TMEFF2: variants seen among roughly 807,000 people sequenced by gnomAD.
TMEFF2 encodes the protein tomoregulin-2.
TMEFF2 carries 28 observed loss-of-function variants against 53.8 expected under a neutral mutation model. That is an observed-to-expected ratio of 0.52 (90% CI 0.39 to 0.71). The LOEUF (loss-of-function observed/expected upper bound fraction) is 0.71, where lower values mean the gene tolerates loss of function less well. Among genes scored for constraint, TMEFF2 ranks in the 30% least tolerant of loss-of-function variants. The probability of loss-of-function intolerance (pLI) is 0.00; values close to 1 mark genes in which losing one functional copy is unlikely to be tolerated. For missense variants in TMEFF2, 353 were observed against 455.2 expected (o/e 0.78, Z 2.04); for synonymous variants, 162 against 166.3 (o/e 0.97, Z 0.20).
chr2:192,145,161 A>G (rs1690220056), intron 4 of TMEFF2, among the ~76,000 whole-genome samples: 1 of 151,968 alleles, frequency 6.6e-6, no homozygotes. Flanking sequence ...TACATTATTA[A>G]TTACTTATTA....
In TMEFF2 at chr2:192,022,187, G is replaced by A. The variant is rs182837890; in HGVS notation, c.537-22979C>T. On this transcript the variant is annotated intron_variant, in intron 5 of 9. Coordinates refer to ENST00000272771, the MANE Select transcript of TMEFF2 (RefSeq NM_016192.4). ...GTGTGGGGCAGCAGGGAGGCCTGCA[G>A]CATCTCAAGCTCCCACTAGATCTCC... Among the ~76,000 whole-genome samples the A allele has an allele frequency of 1.9e-3, 293 of 152,308 alleles. 2 individuals are homozygous for A. Among genetic ancestry groups the A allele is most frequent in the Admixed American group, 4.2e-3 (64 of 15,302 alleles).
At chr2:192,146,797 A>G (rs1421589472) in intron 4 of TMEFF2, among the ~76,000 whole-genome samples, 1 of 152,146 alleles carries the variant, frequency 6.6e-6, no homozygotes, top group Non-Finnish European at 1.5e-5. Context: ...AGCCATATTC[A>G]TGGCTTAGTG....
At chr2:192,193,722 A>G (rs1465428276) in intron 1 of TMEFF2, among the ~76,000 whole-genome samples, 2 of 149,700 alleles carry the variant, frequency 1.3e-5, no homozygotes, top group African/African-American at 4.9e-5. Flanking sequence ...TTTGCCGCCT[A>G]GGAGAGAAGG....
At chr2:191,953,291 G>A (rs764782993) in intron 9 of TMEFF2, among the ~76,000 whole-genome samples, 4 of 152,116 alleles carry the variant, frequency 2.6e-5, no homozygotes, top group Non-Finnish European at 4.4e-5. Flanking sequence ...TACCATAAAA[G>A]TACAACTACT....
chr2:192,177,258 T>C (rs1385891968), intron 4 of TMEFF2: 1 of 151,194 alleles, frequency 6.6e-6, no homozygotes, highest in African/African-American at 2.4e-5. Flanking sequence ...GAGGAAAGTC[T>C]ATCATCTGTA....
At chr2:192,131,129 A>C (rs1689814386) in intron 4 of TMEFF2, among the ~76,000 whole-genome samples, 1 of 133,082 alleles carries the variant, frequency 7.5e-6, no homozygotes, top group Admixed American at 7.7e-5. Flanking sequence ...CAAGTACCCC[A>C]ACCCCTTCTC....
intron 4 of TMEFF2, among the ~76,000 whole-genome samples, chr2:192,071,669 A>C (rs10931520): frequency 0.5 from 76,183 of 151,696 alleles, 19,732 homozygotes; most frequent in East Asian, 0.62. Context: ...TAACCTATGC[A>C]CATCCTCTCA....
chr2:191,961,104 A>T (rs1692260183), intron 7 of TMEFF2, among the ~76,000 whole-genome samples: 2 of 152,202 alleles, frequency 1.3e-5, no homozygotes, highest in Non-Finnish European at 1.5e-5. Context: ...AAAATAAATT[A>T]CTTTTGCCTT....
At chr2:192,172,397 C>T (rs1376371266) in intron 4 of TMEFF2, among the ~76,000 whole-genome samples, 2 of 151,964 alleles carry the variant, frequency 1.3e-5, no homozygotes, top group East Asian at 3.9e-4. Context: ...TCTAAGTAGC[C>T]TGTCCAGGAT....
At chr2:192,128,257 A>G (rs757687526) in intron 4 of TMEFF2, among the ~76,000 whole-genome samples, 1 of 152,210 alleles carries the variant, frequency 6.6e-6, no homozygotes, top group Non-Finnish European at 1.5e-5. Context: ...AGTTTTTCCA[A>G]ATCTACTTTT....
intron 4 of TMEFF2, among the ~76,000 whole-genome samples, chr2:192,128,212 AT>A (rs1316230828): frequency 2.0e-5 from 3 of 152,178 alleles, no homozygotes; most frequent in African/African-American, 7.2e-5. Flanking sequence ...TAAAAATGCT[AT>A]TTTTGCTCAA....
intron 5 of TMEFF2, among the ~76,000 whole-genome samples, chr2:192,015,750 T>TA (rs1686730510): frequency 1.3e-5 from 2 of 152,170 alleles, no homozygotes; most frequent in Non-Finnish European, 2.9e-5. Flanking sequence ...TTACTTGGTA[T>TA]CATATTGTGG....
At position 191,999,049 on chromosome 2, in the gene TMEFF2, A is replaced by C. The variant is rs201239443; in HGVS notation, c.685+11T>G. 4.3e-5 allele frequency: 68 copies of C among 1,587,626 alleles called. No individual in the cohort carries two copies. The highest frequency in any genetic ancestry group is 1.7e-4 in the Middle Eastern group (1 of 5,934). On this transcript the variant is annotated intron_variant, in intron 6 of 9. Transcript: ENST00000272771. Reference sequence around the variant, plus strand: ...ATCATTCTTTGAAATGAATTTTGGTATGAACATTACCTTGACATCGACCCA... The same window carrying C: ...ATCATTCTTTGAAATGAATTTTGGTCTGAACATTACCTTGACATCGACCCA...
chr2:192,013,687 C>T (rs1460812157), intron 5 of TMEFF2, among the ~76,000 whole-genome samples: 2 of 152,152 alleles, frequency 1.3e-5, no homozygotes, highest in Non-Finnish European at 2.9e-5. Flanking sequence ...TGACCTCAGG[C>T]GATCCGCCCG....
intron 4 of TMEFF2, among the ~76,000 whole-genome samples, chr2:192,077,454 C>A (rs1216235831): frequency 1.3e-5 from 2 of 152,130 alleles, no homozygotes. Flanking sequence ...TGGAAAACTA[C>A]AAGTATAATT....
intron 7 of TMEFF2, among the ~76,000 whole-genome samples, chr2:191,967,543 C>G (rs13386524): frequency 0.045 from 6,812 of 152,146 alleles, 505 homozygotes; most frequent in African/African-American, 0.15. Context: ...TCAGAATTAC[C>G]AGCTGAGGGG....
chr2:192,172,908 G>T (rs17368777), intron 4 of TMEFF2, among the ~76,000 whole-genome samples: 24,836 of 151,812 alleles, frequency 0.16, 2,535 homozygotes, highest in East Asian at 0.3. Flanking sequence ...TGAAGTTCAA[G>T]GACTGGCTTA....
intron 2 of TMEFF2, among the ~76,000 whole-genome samples, chr2:192,187,033 G>T (rs1478068528): frequency 6.6e-6 from 1 of 152,142 alleles, no homozygotes; most frequent in Non-Finnish European, 1.5e-5. Context: ...GAGCTGAAAA[G>T]AGCTTAACTG....
chr2:191,998,296 A>G lies in TMEFF2; in HGVS notation c.711T>C (p.Ser237=), dbSNP rs1686272810. ...CQDNTTTTTK[S]EDGHYARTDY... ...CTGTTCTTGCATAATGCCCATCTTC[A>G]GACTTAGTAGTTGTAGTTGTGTTAT... is the stretch of plus-strand genomic sequence containing the variant. Residue 237 remains serine, a synonymous_variant, in exon 7 of 10, where the codon TCT becomes TCC. Coordinates refer to ENST00000272771, the MANE Select transcript of TMEFF2 (RefSeq NM_016192.4). 6.2e-7 allele frequency: 1 copy of G among 1,600,108 alleles called. No individual in the cohort carries two copies. The highest frequency in any genetic ancestry group is 1.4e-5 in the African/African-American group (1 of 74,036).
Sources: gnomAD v4.1 joint callset for allele counts (sites outside exome capture counted in the v4.1 genomes callset) on GRCh38, gnomAD v4.1.1 for gene constraint, MANE v1.5 for transcripts, NCBI Gene and HGNC (gene_info 2026-07-23, HGNC 2026-07-21) for gene names.